The following SMYD3 variants were observed in gnomAD, a reference collection of about 807,000 sequenced individuals.
The protein encoded by SMYD3 is histone-lysine N-methyltransferase SMYD3.
Under a neutral mutation model 57.7 loss-of-function variants are expected in SMYD3, and 36 were observed. The observed-to-expected ratio is 0.62, with a 90% confidence interval of 0.48 to 0.82. The LOEUF (loss-of-function observed/expected upper bound fraction) is 0.82, where lower values mean the gene tolerates loss of function less well. Ranked by LOEUF, SMYD3 falls within the 40% of genes least tolerant of loss-of-function variation. The pLI, the probability that SMYD3 is intolerant of heterozygous loss-of-function variation, is 0.00. For synonymous variants in SMYD3, 211 were observed against 195.0 expected, an observed-to-expected ratio of 1.08 and a Z score of -0.68; for missense variants, 515 against 538.8, an observed-to-expected ratio of 0.96 and a Z score of 0.44.
At chr1:246,056,861 T>TTTGTAATTTCTCCTTAC (rs1385614949) in intron 5 of SMYD3, among the ~76,000 whole-genome samples, 4 of 152,202 alleles carry the variant, frequency 2.6e-5, no homozygotes, top group African/African-American at 9.7e-5. Flanking sequence ...ACCTTTGTCT[T>TTTGTAATTTCTCCTTAC]TTGTAATTTC....
rs1558361737 is a variant in SMYD3 at position 246,266,351 on chromosome 1, G to GTA, written c.531+60849_531+60850insTA. On this transcript the variant is annotated intron_variant, in intron 5 of 11. Coordinates refer to ENST00000490107, the MANE Select transcript of SMYD3 (RefSeq NM_001167740.2). ...ACCAACTCTAATGTCCAAACTGCGT[G>GTA]ACAGAATTAACAGTTCCTTCCTCTG... 3.3e-5 allele frequency among the ~76,000 whole-genome samples: 5 copies of GTA among 151,906 alleles called. No homozygotes were observed. In the East Asian group the frequency reaches 9.8e-4, roughly 30 times the overall value.
intron 2 of SMYD3, among the ~76,000 whole-genome samples, chr1:246,340,993 G>C (rs7553049): frequency 0.011 from 1,612 of 150,542 alleles, 21 homozygotes; most frequent in African/African-American, 0.033. Context: ...AGGTCTCAGG[G>C]GGAAAAAAAA....
At chr1:246,130,373 C>A (rs901283729) in intron 5 of SMYD3, among the ~76,000 whole-genome samples, 1 of 152,044 alleles carries the variant, frequency 6.6e-6, no homozygotes, top group Admixed American at 6.6e-5. Flanking sequence ...TCCCAAAAAC[C>A]AAAATATTTA....
At chr1:245,962,073 G>C (rs897131229) in intron 5 of SMYD3, among the ~76,000 whole-genome samples, 4 of 152,028 alleles carry the variant, frequency 2.6e-5, no homozygotes, top group African/African-American at 7.2e-5. Context: ...CATACCACAT[G>C]ACACAGCCTC....
chr1:246,486,500 GATT>G (rs1351240299), intron 1 of SMYD3, among the ~76,000 whole-genome samples: 1 of 152,170 alleles, frequency 6.6e-6, no homozygotes, highest in Non-Finnish European at 1.5e-5. Flanking sequence ...TAAGTGTGAA[GATT>G]ATAATACCTC....
At chr1:246,128,244 T>G (rs1258768488) in intron 5 of SMYD3, among the ~76,000 whole-genome samples, 1 of 152,204 alleles carries the variant, frequency 6.6e-6, no homozygotes, top group Non-Finnish European at 1.5e-5. Flanking sequence ...CCATCTCTAT[T>G]ACGATGTTCA....
chr1:245,920,196 C>G lies in SMYD3; in HGVS notation c.703-4556G>C, dbSNP rs555738502. On this transcript the variant is annotated intron_variant, in intron 7 of 11. Transcript: ENST00000490107. The stretch of plus-strand genomic sequence containing the variant: ...GGCGTGGTGGCGGGCGCCTGTAGTC[C>G]CAGCTACTCGGGAGGCAGAGGCAGG... Among the ~76,000 whole-genome samples the G allele has an allele frequency of 7.9e-5, 12 of 151,880 alleles. No individual in the cohort carries two copies. In the South Asian group the frequency reaches 2.3e-3, roughly 29 times the overall value.
intron 1 of SMYD3, among the ~76,000 whole-genome samples, chr1:246,358,597 G>A (rs201561731): frequency 5.3e-5 from 8 of 152,046 alleles, no homozygotes; most frequent in Admixed American, 6.6e-5. Context: ...TAAGAAAATC[G>A]AAATTATATC....
intron 10 of SMYD3, among the ~76,000 whole-genome samples, chr1:245,781,019 T>C (rs1215369928): frequency 2.6e-5 from 4 of 152,082 alleles, no homozygotes; most frequent in Non-Finnish European, 5.9e-5. Context: ...ATGATTCCAT[T>C]GATAGGAAAT....
intron 8 of SMYD3, among the ~76,000 whole-genome samples, chr1:245,896,155 A>G (rs1213467042): frequency 6.6e-6 from 1 of 152,172 alleles, no homozygotes; most frequent in African/African-American, 2.4e-5. Flanking sequence ...GACGGCTGAC[A>G]CTGGGTAAAA....
At chr1:245,930,962 C>T (rs974965647) in intron 5 of SMYD3, 2 of 152,146 alleles carry the variant, frequency 1.3e-5, no homozygotes, top group Non-Finnish European at 2.9e-5. Flanking sequence ...AGGCTCATAT[C>T]AGGAGAAAGA....
chr1:246,210,281 A>G (rs532282202), intron 5 of SMYD3, among the ~76,000 whole-genome samples: 28 of 152,318 alleles, frequency 1.8e-4, no homozygotes, highest in Non-Finnish European at 3.7e-4. Context: ...CATCACACGC[A>G]TAGTGCACAT....
chr1:246,096,285 C>T (rs944833908), intron 5 of SMYD3: 3 of 152,170 alleles, frequency 2.0e-5, no homozygotes, highest in Non-Finnish European at 2.9e-5. Context: ...TTGTGTCTTG[C>T]GCATCAATCT....
chr1:246,257,801 ACT>A (rs1199862804), intron 5 of SMYD3, among the ~76,000 whole-genome samples: 1 of 151,992 alleles, frequency 6.6e-6, no homozygotes, highest in African/African-American at 2.4e-5. Flanking sequence ...GTCCCCAAAA[ACT>A]CTCATGTTAA....
intron 5 of SMYD3, among the ~76,000 whole-genome samples, chr1:246,088,654 T>C (rs948115930): frequency 5.3e-5 from 8 of 152,154 alleles, no homozygotes; most frequent in Non-Finnish European, 1.0e-4. Context: ...TTCCATGAAG[T>C]AGTCCAACTA....
At chr1:245,753,954 T>C (rs887245728) in intron 11 of SMYD3, among the ~76,000 whole-genome samples, 1 of 151,914 alleles carries the variant, frequency 6.6e-6, no homozygotes, top group Non-Finnish European at 1.5e-5. Flanking sequence ...TTAAATTTTA[T>C]TTTTTTTAAT....
At chr1:245,943,484 G>A (rs1011513604) in intron 5 of SMYD3, among the ~76,000 whole-genome samples, 11 of 151,762 alleles carry the variant, frequency 7.2e-5, no homozygotes, top group African/African-American at 2.4e-4. Context: ...CAAAATTGAG[G>A]CAGTAATAGC....
chr1:245,817,288 CTGACACCTCACATGGCAGGGTAT>C (rs1424051991), intron 10 of SMYD3, among the ~76,000 whole-genome samples: 6 of 136,968 alleles, frequency 4.4e-5, no homozygotes, highest in Non-Finnish European at 7.6e-5. Flanking sequence ...CAGGGGCACA[CTGACACCTCACATGGCAGGGTAT>C]TCCAACAGCC....
rs118098559 is a variant in SMYD3, at chr1:245,873,292, C to A, written c.814-9406G>T. The stretch of plus-strand genomic sequence containing the variant: ...AGATGACACAGAGGGCTATGAGCTC[C>A]ACTTGCAAATGCACATTCAGACAAA... On this transcript the variant is annotated intron_variant, in intron 8 of 11. Transcript: ENST00000490107. Among the ~76,000 whole-genome samples the A allele has an allele frequency of 1.6e-4, 25 of 152,284 alleles. No individual in the cohort carries two copies. In the East Asian group the frequency reaches 4.1e-3, roughly 25 times the overall value.
Sources: gnomAD v4.1 joint callset for allele counts (sites outside exome capture counted in the v4.1 genomes callset) on GRCh38, gnomAD v4.1.1 for gene constraint, MANE v1.5 for transcripts, NCBI Gene and HGNC (gene_info 2026-07-23, HGNC 2026-07-21) for gene names.